The following PLXDC1 variants were observed in gnomAD, a reference collection of about 807,000 sequenced individuals.
PLXDC1 encodes the protein plexin domain containing 1.
PLXDC1 carries 39 observed loss-of-function variants against 61.3 expected under a neutral mutation model. The ratio of observed to expected loss-of-function variants is 0.64; its 90% confidence interval spans 0.49 to 0.83. The LOEUF (loss-of-function observed/expected upper bound fraction) is 0.83. Ranked by LOEUF, PLXDC1 falls within the 40% of genes least tolerant of loss-of-function variation. The probability of loss-of-function intolerance (pLI) is 0.00; values close to 1 mark genes in which losing one functional copy is unlikely to be tolerated. For missense variants in PLXDC1, 596 were observed against 666.5 expected, an observed-to-expected ratio of 0.89 and a Z score of 1.17; for synonymous variants, 212 against 254.5, an observed-to-expected ratio of 0.83 and a Z score of 1.59.
At chr17:39,097,885 G>A (rs1302605652) in intron 7 of PLXDC1, among the ~76,000 whole-genome samples, 1 of 131,812 alleles carries the variant, frequency 7.6e-6, no homozygotes, top group African/African-American at 2.9e-5. Context: ...CTGAGCGACA[G>A]AGCAAGACCC....
chr17:39,125,391 G>A lies in PLXDC1; in HGVS notation c.255+14263C>T, dbSNP rs1911284496. 2.6e-5 allele frequency among the ~76,000 whole-genome samples: 4 copies of A among 152,162 alleles called. No individual in the cohort carries two copies. In the South Asian group the frequency reaches 8.3e-4, roughly 32 times the overall value. On this transcript the variant is annotated intron_variant, in intron 2 of 13. Coordinates refer to ENST00000315392, the MANE Select transcript of PLXDC1 (RefSeq NM_020405.5). ...GGAAACAGGGCTTTGGATTAGGCTTGTACAGAGGATATGGACTGGCATTGG... is the reference window on the plus strand; with the variant it reads ...GGAAACAGGGCTTTGGATTAGGCTTATACAGAGGATATGGACTGGCATTGG...
intron 12 of PLXDC1, 99 bp downstream of exon 12, chr17:39,072,351 G>T: frequency 1.2e-6 from 1 of 833,078 alleles, no homozygotes. Context: ...CTCCCTCTCC[G>T]CACTCATAAA....
rs183656804 is a variant in PLXDC1, at chr17:39,109,881, G to A, written c.256-490C>T. ...ATCTGGGCTGGACGCGGTGGCTCGC[G>A]CCTGTAATCCCAGCACTTTGGGAGG... On this transcript the variant is annotated intron_variant, in intron 2 of 13. Coordinates refer to ENST00000315392, the MANE Select transcript of PLXDC1 (RefSeq NM_020405.5). Among the ~76,000 whole-genome samples the A allele has an allele frequency of 7.9e-5, 12 of 152,304 alleles. No homozygotes were observed. In the East Asian group the frequency reaches 9.7e-4, roughly 12 times the overall value.
Position 39,066,585 on chromosome 17 carries a change from GCTTT to G in PLXDC1, c.*1251_*1254del, listed in dbSNP as rs1908906045. 2 of 152,286 alleles carry G rather than the reference GCTTT, an allele frequency of 1.3e-5. No homozygotes were observed. The highest frequency in any genetic ancestry group is 2.1e-4 in the South Asian group (1 of 4,820). The allele number at this position is 152,286 out of a possible 1,614,324, so 9.4% of individuals were successfully genotyped here. A position where few individuals can be genotyped will look rare whatever the true frequency, so the allele number is the denominator to read the frequency against. On this transcript the variant is annotated 3_prime_UTR_variant, in exon 14 of 14. Coordinates refer to ENST00000315392, the MANE Select transcript of PLXDC1 (RefSeq NM_020405.5). ...GCCAACTCTATAGCCATGAGGATCTGCTTTCTTTTTTTTTTTTTGAGACGGAGTC... is the reference window on the plus strand; with the variant it reads ...GCCAACTCTATAGCCATGAGGATCTGCTTTTTTTTTTTTTGAGACGGAGTC...
At chr17:39,091,963 A>ATCTC (rs1375749739) in intron 7 of PLXDC1, among the ~76,000 whole-genome samples, 20 of 67,182 alleles carry the variant, frequency 3.0e-4, no homozygotes, top group Non-Finnish European at 4.4e-4. Context: ...TATCTCAAAA[A>ATCTC]AAAAAAAAAA....
At chr17:39,070,946 C>T (rs1019642607) in intron 12 of PLXDC1, among the ~76,000 whole-genome samples, 29 of 152,332 alleles carry the variant, frequency 1.9e-4, no homozygotes, top group African/African-American at 7.0e-4. Context: ...CCACTGCACT[C>T]CAGCATGGGC....
At chr17:39,093,920 G>A (rs1175678967) in intron 7 of PLXDC1, among the ~76,000 whole-genome samples, 1 of 152,064 alleles carries the variant, frequency 6.6e-6, no homozygotes, top group Non-Finnish European at 1.5e-5. Flanking sequence ...GTGGCGAGGG[G>A]TTCACAGAGC....
intron 11 of PLXDC1, among the ~76,000 whole-genome samples, chr17:39,077,712 T>C (rs1598185387): frequency 6.6e-6 from 1 of 151,878 alleles, no homozygotes; most frequent in African/African-American, 2.4e-5. Context: ...AGGAGTAGAG[T>C]TCAAGTTCTA....
rs937162370 is a variant in PLXDC1 at position 39,064,480 on chromosome 17, C to T, written c.*3360G>A. On this transcript the variant is annotated 3_prime_UTR_variant, in exon 14 of 14. Transcript: ENST00000315392. ...AGTGATGAGTTGGGGCTGCTTCTCC[C>T]CAGAGTAAAAAATGGCAGCAAATAA... is the stretch of plus-strand genomic sequence containing the variant. The T allele has an allele frequency of 6.6e-6, 1 of 152,134 alleles. No homozygotes were observed. The highest frequency in any genetic ancestry group is 2.4e-5 in the African/African-American group (1 of 41,394). The allele number at this position is 152,134 out of a possible 1,614,324, so 9.4% of individuals were successfully genotyped here. A position where few individuals can be genotyped will look rare whatever the true frequency, so the allele number is the denominator to read the frequency against.
chr17:39,093,985 T>C (rs1336152911), intron 7 of PLXDC1, among the ~76,000 whole-genome samples: 1 of 152,122 alleles, frequency 6.6e-6, no homozygotes, highest in Admixed American at 6.5e-5. Context: ...CACCTGCACA[T>C]GAGCACATAC....
At chr17:39,078,976 TGGAA>T in intron 10 of PLXDC1, 124 bp downstream of exon 10, 4 of 738,990 alleles carry the variant, frequency 5.4e-6, no homozygotes, top group Non-Finnish European at 9.4e-6. Flanking sequence ...AAATCTTAGA[TGGAA>T]GGGAGGATAT....
rs1223368422 is a variant in PLXDC1, at chr17:39,067,854, C to G, written c.1489G>C (p.Ala497Pro). The change falls in exon 14 of 14, where the codon GCT (alanine) becomes CCT (proline). Residue 497 changes from alanine to proline, a missense_variant. By Grantham distance (27) the Ala-to-Pro change is conservative. Coordinates refer to ENST00000315392, the MANE Select transcript of PLXDC1 (RefSeq NM_020405.5). ...ACTTGGTGTTCTCAGCACTGCTCAG[C>G]CTCCATGAAGCCCTCCTTCTCATGG... ...SGHEKEGFMEAEQC is the reference protein window; with the variant it reads ...SGHEKEGFMEPEQC 1 of 1,613,942 alleles carries G rather than the reference C, an allele frequency of 6.2e-7. No homozygotes were observed. The highest frequency in any genetic ancestry group is 2.2e-5 in the East Asian group (1 of 44,884).
intron 2 of PLXDC1, among the ~76,000 whole-genome samples, chr17:39,129,081 G>C (rs1911448220): frequency 6.6e-6 from 1 of 152,096 alleles, no homozygotes; most frequent in African/African-American, 2.4e-5. Flanking sequence ...ACTTTGGGAG[G>C]CCAAGACAGG....
chr17:39,121,869 G>A (rs1046761420), intron 2 of PLXDC1, among the ~76,000 whole-genome samples: 13 of 152,098 alleles, frequency 8.5e-5, no homozygotes, highest in African/African-American at 2.4e-4. Context: ...GGCTGAGGCC[G>A]GCAGATCACT....
At chr17:39,072,429 G>A (rs1426034107) in intron 12 of PLXDC1, 21 bp downstream of exon 12, 1 of 1,533,006 alleles carries the variant, frequency 6.5e-7, no homozygotes, top group Admixed American at 2.0e-5. Flanking sequence ...TGACGCTGAG[G>A]GCAGGCAGTT....
intron 2 of PLXDC1, among the ~76,000 whole-genome samples, chr17:39,115,205 A>T: frequency 6.6e-6 from 1 of 152,156 alleles, no homozygotes; most frequent in East Asian, 1.9e-4. Context: ...CTCTTAACTG[A>T]CAGAAAACTT....
At chr17:39,084,726 G>A (rs12602892) in intron 8 of PLXDC1, among the ~76,000 whole-genome samples, 39,873 of 152,206 alleles carry the variant, frequency 0.26, 6,040 homozygotes, top group Admixed American at 0.43. Flanking sequence ...GCCCAGCCTG[G>A]GCAGGACAGA....
At chr17:39,082,463 G>T (rs1177306125) in intron 9 of PLXDC1, among the ~76,000 whole-genome samples, 1 of 151,832 alleles carries the variant, frequency 6.6e-6, no homozygotes, top group African/African-American at 2.4e-5. Context: ...TACTCAAGAG[G>T]CTGAGGCAGG....
intron 2 of PLXDC1, among the ~76,000 whole-genome samples, chr17:39,123,746 C>G (rs1161730838): frequency 1.3e-5 from 2 of 152,192 alleles, no homozygotes; most frequent in Admixed American, 1.3e-4. Context: ...CCGACAGGCA[C>G]TTCATTTCTG....
Sources: gnomAD v4.1 joint callset for allele counts (sites outside exome capture counted in the v4.1 genomes callset) on GRCh38, gnomAD v4.1.1 for gene constraint, MANE v1.5 for transcripts, NCBI Gene and HGNC (gene_info 2026-07-23, HGNC 2026-07-21) for gene names.